The following KCNH1 variants were observed in gnomAD, a reference collection of about 807,000 sequenced individuals.
KCNH1 encodes the protein potassium voltage-gated channel subfamily H member 1.
KCNH1 carries 27 observed loss-of-function variants against 69.2 expected under a neutral mutation model. That is an observed-to-expected ratio of 0.39 (90% CI 0.29 to 0.54). KCNH1 has a LOEUF of 0.54. Ranked by LOEUF, KCNH1 falls within the 20% of genes least tolerant of loss-of-function variation. The pLI is 0.68. For synonymous variants in KCNH1, 456 were observed against 487.7 expected (o/e 0.93, Z 0.86); for missense variants, 798 against 1,261.6 (o/e 0.63, Z 5.57).
At chr1:210,858,943 C>A in intron 7 of KCNH1, 2 of 401,912 alleles carry the variant, frequency 5.0e-6, no homozygotes, top group Non-Finnish European at 8.9e-6. Flanking sequence ...GAAAATACAC[C>A]CCCTAAGGTA....
At chr1:211,100,652 C>T (rs932639945) in intron 3 of KCNH1, among the ~76,000 whole-genome samples, 1 of 152,170 alleles carries the variant, frequency 6.6e-6, no homozygotes, top group Non-Finnish European at 1.5e-5. Flanking sequence ...CACCCGGCCC[C>T]TCATGTATTT....
chr1:210,860,548 A>G, intron 7 of KCNH1: 1 of 860,084 alleles, frequency 1.2e-6, no homozygotes, highest in Admixed American at 1.7e-5. Flanking sequence ...TGTCATTTCT[A>G]CTGCAATAGG....
At chr1:210,999,191 C>T (rs1468343550) in intron 6 of KCNH1, among the ~76,000 whole-genome samples, 1 of 151,974 alleles carries the variant, frequency 6.6e-6, no homozygotes, top group African/African-American at 2.4e-5. Context: ...AATAGAGACA[C>T]AAAAAACCCT....
At chr1:210,726,153 T>C (rs778046563) in intron 10 of KCNH1, among the ~76,000 whole-genome samples, 4 of 151,500 alleles carry the variant, frequency 2.6e-5, no homozygotes, top group Non-Finnish European at 4.4e-5. Context: ...GGAGGTAGAG[T>C]CTCCCCGGAA....
chr1:210,975,061 T>C (rs1229579996), intron 6 of KCNH1, among the ~76,000 whole-genome samples: 2 of 152,210 alleles, frequency 1.3e-5, no homozygotes, highest in East Asian at 3.8e-4. Flanking sequence ...TGATGCCCTT[T>C]AATTCTTCCT....
intron 10 of KCNH1, among the ~76,000 whole-genome samples, chr1:210,744,842 C>T (rs915723666): frequency 1.6e-4 from 25 of 151,944 alleles, no homozygotes; most frequent in East Asian, 3.9e-4. Context: ...CGTTAGTTAC[C>T]GGGGATAAAG....
At chr1:210,809,195 T>C (rs1166275862) in intron 7 of KCNH1, among the ~76,000 whole-genome samples, 2 of 152,020 alleles carry the variant, frequency 1.3e-5, no homozygotes, top group Admixed American at 6.6e-5. Flanking sequence ...AGGGAGGGTG[T>C]AGCAAAAACA....
intron 8 of KCNH1, among the ~76,000 whole-genome samples, chr1:210,802,969 C>G (rs1007118015): frequency 6.6e-6 from 1 of 152,194 alleles, no homozygotes; most frequent in East Asian, 1.9e-4. Context: ...CTCACTTCCC[C>G]TAAATTCTCA....
intron 1 of KCNH1, among the ~76,000 whole-genome samples, chr1:211,117,520 C>A (rs1343083000): frequency 7.2e-5 from 11 of 152,176 alleles, no homozygotes; most frequent in Non-Finnish European, 2.9e-5. Context: ...ACTGTGCAAC[C>A]AGAGCCAGCC....
At chr1:210,788,685 C>CTTTCTTTTTTTTT (rs1684152196) in intron 9 of KCNH1, among the ~76,000 whole-genome samples, 2 of 80,712 alleles carry the variant, frequency 2.5e-5, no homozygotes, top group African/African-American at 9.9e-5. Flanking sequence ...TAGCTTCTTT[C>CTTTCTTTTTTTTT]TTTTTTTTTT....
chr1:211,000,444 C>A (rs1301119349), intron 6 of KCNH1, among the ~76,000 whole-genome samples: 1 of 152,136 alleles, frequency 6.6e-6, no homozygotes, highest in African/African-American at 2.4e-5. Flanking sequence ...TACCTGGAAT[C>A]CAACTTACCA....
At chr1:210,993,706 G>A (rs187549267) in intron 6 of KCNH1, among the ~76,000 whole-genome samples, 371 of 152,328 alleles carry the variant, frequency 2.4e-3, no homozygotes, top group Non-Finnish European at 3.9e-3. Flanking sequence ...TGTTGGCTAT[G>A]AGCTGAATAG....
At position 211,102,582 on chromosome 1, in the gene KCNH1, G is replaced by C. The variant is rs757953487; in HGVS notation, c.310+914C>G. On this transcript the variant is annotated intron_variant, in intron 3 of 10. Transcript: ENST00000271751. ...CCAGTATCGGCACAGACCACCAAGCGAACAGTAATCTCAGTCACCTACTCC... is the reference window on the plus strand; with the variant it reads ...CCAGTATCGGCACAGACCACCAAGCCAACAGTAATCTCAGTCACCTACTCC... 2.0e-5 allele frequency among the ~76,000 whole-genome samples: 3 copies of C among 152,160 alleles called. No homozygotes were observed. The East Asian group carries it at 5.8e-4, about 29-fold the overall frequency.
chr1:211,082,692 A>G, intron 5 of KCNH1, 88 bp downstream of exon 5: 1 of 1,045,606 alleles, frequency 9.6e-7, no homozygotes, highest in Non-Finnish European at 1.4e-6. Context: ...GGTCCTCTCC[A>G]TGATTAGCAC....
At chr1:210,743,500 T>G (rs1216103528) in intron 10 of KCNH1, among the ~76,000 whole-genome samples, 2 of 152,138 alleles carry the variant, frequency 1.3e-5, no homozygotes, top group Admixed American at 1.3e-4. Flanking sequence ...CTAGGGGTCC[T>G]GGTTACAGCC....
chr1:210,791,161 G>T (rs1281615596), intron 9 of KCNH1, among the ~76,000 whole-genome samples: 2 of 152,112 alleles, frequency 1.3e-5, no homozygotes, highest in African/African-American at 4.8e-5. Flanking sequence ...GTGAAGAATT[G>T]GTCATTTCTT....
intron 6 of KCNH1, among the ~76,000 whole-genome samples, chr1:210,942,108 T>C (rs536168489): frequency 2.6e-5 from 4 of 152,304 alleles, no homozygotes; most frequent in Non-Finnish European, 4.4e-5. Context: ...AGTAAATATA[T>C]AGTTCCAAAG....
At chr1:211,049,140 A>C (rs958730468) in intron 5 of KCNH1, among the ~76,000 whole-genome samples, 1 of 152,246 alleles carries the variant, frequency 6.6e-6, no homozygotes, top group African/African-American at 2.4e-5. Context: ...GCTGGACATG[A>C]AAATGGACCC....
At position 210,685,241 on chromosome 1, in the gene KCNH1, G is replaced by T. The variant is rs185515620; in HGVS notation, c.2113-1103C>A. ...ACGTGTTTTGACCCATATCATGTTTGAATTCGTGAGAGGCAACCTGCAATA... is the reference window on the plus strand; with the variant it reads ...ACGTGTTTTGACCCATATCATGTTTTAATTCGTGAGAGGCAACCTGCAATA... On this transcript the variant is annotated intron_variant, in intron 10 of 10. Transcript: ENST00000271751. Among the ~76,000 whole-genome samples the T allele has an allele frequency of 1.6e-4, 24 of 152,320 alleles. No individual in the cohort carries two copies. In the East Asian group the frequency reaches 4.1e-3, roughly 26 times the overall value.
Sources: allele counts gnomAD v4.1 joint callset (sites outside exome capture counted in the v4.1 genomes callset), GRCh38; gene constraint gnomAD v4.1.1; transcripts MANE v1.5; gene names NCBI Gene and HGNC (gene_info 2026-07-23, HGNC 2026-07-21).